SLIT2: variants seen among roughly 807,000 people sequenced by gnomAD.
SLIT2 encodes the protein slit guidance ligand 2.
Under a neutral mutation model 185.7 loss-of-function variants are expected in SLIT2, and 41 were observed. That is an observed-to-expected ratio of 0.22 (90% CI 0.17 to 0.29). The LOEUF is 0.29. Ranked by LOEUF, SLIT2 falls within the 10% of genes least tolerant of loss-of-function variation. The pLI, the probability that SLIT2 is intolerant of heterozygous loss-of-function variation, is 1.00. For missense variants in SLIT2, 1,571 were observed against 1,909.0 expected (o/e 0.82, Z 3.30); for synonymous variants, 693 against 680.2 (o/e 1.02, Z -0.29).
chr4:20,383,251 C>T (rs12331455), intron 4 of SLIT2, among the ~76,000 whole-genome samples: 110,286 of 152,016 alleles, frequency 0.73, 40,374 homozygotes, highest in African/African-American at 0.82. Context: ...ATTAAACATT[C>T]GTCCTCTCCA....
intron 4 of SLIT2, among the ~76,000 whole-genome samples, chr4:20,358,386 G>T (rs753951519): frequency 6.6e-5 from 10 of 152,108 alleles, no homozygotes; most frequent in Non-Finnish European, 1.0e-4. Flanking sequence ...TTAATTGTGG[G>T]CCAAAAGTTA....
chr4:20,358,333 G>A (rs1381655704), intron 4 of SLIT2, among the ~76,000 whole-genome samples: 1 of 152,120 alleles, frequency 6.6e-6, no homozygotes, highest in Non-Finnish European at 1.5e-5. Flanking sequence ...ACATATTTCT[G>A]CATGTCGATG....
At chr4:20,489,971 C>T (rs1166011815) in intron 8 of SLIT2, 1 of 152,122 alleles carries the variant, frequency 6.6e-6, no homozygotes, top group East Asian at 1.9e-4. Context: ...GCCTGTAGTC[C>T]CAGCTACTCG....
At chr4:20,472,894 A>G (rs1337027872) in intron 5 of SLIT2, among the ~76,000 whole-genome samples, 1 of 151,468 alleles carries the variant, frequency 6.6e-6, no homozygotes, top group Admixed American at 6.6e-5. Context: ...TGTTTTTATG[A>G]TAAAACATTC....
chr4:20,390,787 T>TAC (rs35477184), intron 4 of SLIT2, among the ~76,000 whole-genome samples: 24,616 of 150,748 alleles, frequency 0.16, 2,599 homozygotes, highest in East Asian at 0.43. Flanking sequence ...AAAATATATA[T>TAC]ATACTAAGAC....
intron 4 of SLIT2, among the ~76,000 whole-genome samples, chr4:20,355,064 C>T (rs1010233131): frequency 5.9e-5 from 9 of 151,910 alleles, no homozygotes; most frequent in African/African-American, 1.5e-4. Flanking sequence ...TCCTAATTTT[C>T]GTGTTGATTA....
At chr4:20,335,886 A>G (rs73234456) in intron 4 of SLIT2, among the ~76,000 whole-genome samples, 2,330 of 145,558 alleles carry the variant, frequency 0.016, 30 homozygotes, top group Non-Finnish European at 0.026. Flanking sequence ...GACTACATAC[A>G]TGCCCAACAT....
intron 30 of SLIT2, among the ~76,000 whole-genome samples, chr4:20,595,139 T>C (rs1049293281): frequency 6.6e-6 from 1 of 152,214 alleles, no homozygotes; most frequent in Non-Finnish European, 1.5e-5. Context: ...GTCCCGTTCT[T>C]CTATAATGAG....
intron 4 of SLIT2, among the ~76,000 whole-genome samples, chr4:20,321,484 G>A (rs574124087): frequency 3.3e-5 from 5 of 152,126 alleles, no homozygotes; most frequent in Non-Finnish European, 7.4e-5. Context: ...TGGTGTGTAG[G>A]ACCCCAGTGA....
chr4:20,252,243 A>C lies in SLIT2; in HGVS notation c.-1573A>C, dbSNP rs1458228713. Among the ~76,000 whole-genome samples, 1 of 152,072 alleles carries C rather than the reference A, an allele frequency of 6.6e-6. No individual in the cohort carries two copies. Among genetic ancestry groups the C allele is most frequent in the African/African-American group, 2.4e-5 (1 of 41,438 alleles). ...ACAACAACCCACCTTCCTTCCAGAC[A>C]AGCGAGACTTGGGCTGCTGCGTCCG... is the stretch of plus-strand genomic sequence containing the variant. On this transcript the variant is annotated 5_prime_UTR_variant, in exon 1 of 37. Transcript: ENST00000504154.
intron 4 of SLIT2, among the ~76,000 whole-genome samples, chr4:20,435,849 A>G (rs951780351): frequency 1.3e-5 from 2 of 152,182 alleles, no homozygotes; most frequent in African/African-American, 4.8e-5. Context: ...AAGTCGACCA[A>G]TGTAGATATT....
At chr4:20,333,633 C>A (rs986175667) in intron 4 of SLIT2, among the ~76,000 whole-genome samples, 1 of 151,956 alleles carries the variant, frequency 6.6e-6, no homozygotes, top group African/African-American at 2.4e-5. Flanking sequence ...CTCTATAGGC[C>A]CCTGTTGTCA....
chr4:20,269,658 A>G (rs1010460252), intron 4 of SLIT2, among the ~76,000 whole-genome samples: 1 of 151,960 alleles, frequency 6.6e-6, no homozygotes, highest in African/African-American at 2.4e-5. Flanking sequence ...TTATTGAGGT[A>G]TATGCATGTT....
intron 8 of SLIT2, among the ~76,000 whole-genome samples, chr4:20,491,405 C>T (rs2148796992): frequency 6.6e-6 from 1 of 152,192 alleles, no homozygotes; most frequent in African/African-American, 2.4e-5. Context: ...TCTATTTAAT[C>T]TTATTAGGAA....
chr4:20,472,224 A>ATATATATATATATATC (rs1560452222), intron 5 of SLIT2, among the ~76,000 whole-genome samples: 1 of 118,410 alleles, frequency 8.4e-6, no homozygotes, highest in African/African-American at 3.2e-5. Flanking sequence ...GTGTGTGTGT[A>ATATATATATATATATC]TATATATATA....
chr4:20,435,478 A>G (rs1296379395), intron 4 of SLIT2, among the ~76,000 whole-genome samples: 1 of 152,214 alleles, frequency 6.6e-6, no homozygotes, highest in African/African-American at 2.4e-5. Flanking sequence ...AAAAACTGTA[A>G]TTAAATGAGT....
At chr4:20,316,672 T>C (rs748947046) in intron 4 of SLIT2, among the ~76,000 whole-genome samples, 19 of 151,732 alleles carry the variant, frequency 1.3e-4, no homozygotes, top group Middle Eastern at 6.8e-3. Context: ...ATATTTGTAG[T>C]GTATCTATAT....
In SLIT2 at chr4:20,314,372, A is replaced by G. The variant is rs558946350; in HGVS notation, c.395+45491A>G. ...TTCACAGTTTTAGAGGTTTATGTAT[A>G]TATACACATACACACACTTACTCAA... On this transcript the variant is annotated intron_variant, in intron 4 of 36. Transcript: ENST00000504154. 7.4e-4 allele frequency among the ~76,000 whole-genome samples: 113 copies of G among 152,328 alleles called. 1 individual carries two copies. The highest frequency in any genetic ancestry group is 1.9e-3 in the Admixed American group (29 of 15,308).
At position 20,491,752 on chromosome 4, in the gene SLIT2, C is replaced by A. The variant is rs754565612; in HGVS notation, c.776-9C>A. On this transcript the variant is annotated splice_polypyrimidine_tract_variant and intron_variant, in intron 8 of 36. Transcript: ENST00000504154. ...GGAAAAATATAATTCCTGTTTATTT[C>A]TTTTTTAGGTCACCAGTCATTTATG... 1.7e-5 allele frequency: 27 copies of A among 1,603,724 alleles called. No homozygotes were observed. Among genetic ancestry groups the A allele is most frequent in the Admixed American group, 1.5e-4 (9 of 58,146 alleles).
Sources: gnomAD v4.1 joint callset for allele counts (sites outside exome capture counted in the v4.1 genomes callset) on GRCh38, gnomAD v4.1.1 for gene constraint, MANE v1.5 for transcripts, NCBI Gene and HGNC (gene_info 2026-07-23, HGNC 2026-07-21) for gene names.